PRKCA: variants seen among roughly 807,000 people sequenced by gnomAD.
The protein encoded by PRKCA is protein kinase C alpha, also known as protein kinase C alpha type.
Under a neutral mutation model 87.0 loss-of-function variants are expected in PRKCA, and 27 were observed. That is an observed-to-expected ratio of 0.31 (90% CI 0.23 to 0.43). The LOEUF (loss-of-function observed/expected upper bound fraction) is 0.43, where lower values mean the gene tolerates loss of function less well. Ranked by LOEUF, PRKCA falls within the 20% of genes least tolerant of loss-of-function variation. The pLI is 1.00. For missense variants in PRKCA, 518 were observed against 852.3 expected, an observed-to-expected ratio of 0.61 and a Z score of 4.88; for synonymous variants, 329 against 311.1, an observed-to-expected ratio of 1.06 and a Z score of -0.61.
chr17:66,461,905 G>C (rs1352634677), intron 2 of PRKCA, among the ~76,000 whole-genome samples: 1 of 151,926 alleles, frequency 6.6e-6, no homozygotes, highest in Admixed American at 6.5e-5. Context: ...TACCGAGGAG[G>C]AGACTGGGGT....
intron 3 of PRKCA, among the ~76,000 whole-genome samples, chr17:66,569,278 T>TA (rs933824913): frequency 1.3e-4 from 19 of 151,962 alleles, no homozygotes; most frequent in African/African-American, 2.7e-4. Context: ...GTCCTGAATT[T>TA]AAAAAAAAGG....
intron 2 of PRKCA, among the ~76,000 whole-genome samples, chr17:66,327,995 T>C (rs4424940): frequency 0.99 from 151,437 of 152,272 alleles, 75,311 homozygotes; most frequent in Middle Eastern, 1. Context: ...AGGAAAGCAC[T>C]ACGGGATTTT....
At chr17:66,629,825 T>A (rs760163440) in intron 3 of PRKCA, among the ~76,000 whole-genome samples, 5 of 152,120 alleles carry the variant, frequency 3.3e-5, no homozygotes, top group Non-Finnish European at 5.9e-5. Flanking sequence ...TGAATATGAA[T>A]GTGATAAAAT....
intron 3 of PRKCA, among the ~76,000 whole-genome samples, chr17:66,520,820 T>C (rs180723792): frequency 1.3e-5 from 2 of 152,216 alleles, no homozygotes; most frequent in African/African-American, 4.8e-5. Flanking sequence ...CCTAAACTTA[T>C]CAGGAAAAGT....
intron 8 of PRKCA, among the ~76,000 whole-genome samples, chr17:66,698,916 A>T (rs973229946): frequency 2.0e-5 from 3 of 151,546 alleles, no homozygotes; most frequent in African/African-American, 7.3e-5. Flanking sequence ...GGAGGCAGAG[A>T]TTGCAGTGAG....
chr17:66,625,039 A>G (rs1369197913), intron 3 of PRKCA, among the ~76,000 whole-genome samples: 1 of 152,178 alleles, frequency 6.6e-6, no homozygotes, highest in Non-Finnish European at 1.5e-5. Flanking sequence ...TTTCTGATGA[A>G]CAAACCCTTC....
At chr17:66,583,327 G>A (rs887797) in intron 3 of PRKCA, among the ~76,000 whole-genome samples, 51,869 of 151,908 alleles carry the variant, frequency 0.34, 9,250 homozygotes, top group African/African-American at 0.4. Flanking sequence ...CTTTTTAATA[G>A]CTGTAGACAT....
intron 3 of PRKCA, among the ~76,000 whole-genome samples, chr17:66,498,689 C>T (rs1916589513): frequency 6.6e-6 from 1 of 152,178 alleles, no homozygotes; most frequent in Non-Finnish European, 1.5e-5. Context: ...CTCTAAGGGA[C>T]ATACTGCATT....
intron 2 of PRKCA, among the ~76,000 whole-genome samples, chr17:66,440,036 T>G (rs907340111): frequency 1.3e-5 from 2 of 152,162 alleles, no homozygotes; most frequent in Non-Finnish European, 2.9e-5. Context: ...TAAATAAGGG[T>G]CTTGGGGTTT....
At chr17:66,477,805 C>A (rs748191016) in intron 2 of PRKCA, among the ~76,000 whole-genome samples, 85 of 152,184 alleles carry the variant, frequency 5.6e-4, no homozygotes, top group Non-Finnish European at 1.1e-3. Flanking sequence ...AGTTGTGTAA[C>A]CATCGGCACA....
intron 2 of PRKCA, among the ~76,000 whole-genome samples, chr17:66,362,386 G>C (rs1177357706): frequency 6.6e-6 from 1 of 152,138 alleles, no homozygotes; most frequent in African/African-American, 2.4e-5. Context: ...CACTTCCTCT[G>C]AGCAGACTCT....
At chr17:66,305,139 G>C (rs1904743545) in intron 1 of PRKCA, among the ~76,000 whole-genome samples, 1 of 151,728 alleles carries the variant, frequency 6.6e-6, no homozygotes, top group African/African-American at 2.4e-5. Context: ...GAAGTCCCAG[G>C]AAACCATCCA....
At chr17:66,562,793 C>T (rs1344062452) in intron 3 of PRKCA, among the ~76,000 whole-genome samples, 2 of 152,122 alleles carry the variant, frequency 1.3e-5, no homozygotes, top group Non-Finnish European at 2.9e-5. Flanking sequence ...GACAGGGTTT[C>T]ACCATGTTGG....
At chr17:66,622,285 T>G (rs1046372720) in intron 3 of PRKCA, among the ~76,000 whole-genome samples, 1 of 152,238 alleles carries the variant, frequency 6.6e-6, no homozygotes, top group Non-Finnish European at 1.5e-5. Flanking sequence ...ATTAATTGTT[T>G]GCAAGCAATG....
intron 5 of PRKCA, among the ~76,000 whole-genome samples, chr17:66,668,074 C>A (rs1489636709): frequency 6.6e-6 from 1 of 152,180 alleles, no homozygotes; most frequent in Non-Finnish European, 1.5e-5. Flanking sequence ...CATGAAAAAA[C>A]CAAAGTCCTG....
chr17:66,650,501 A>G (rs538713447), intron 5 of PRKCA, among the ~76,000 whole-genome samples: 2 of 152,204 alleles, frequency 1.3e-5, no homozygotes, highest in East Asian at 3.8e-4. Flanking sequence ...AATGGAAAAA[A>G]TATCGGGTGC....
At chr17:66,518,044 C>G (rs1033781214) in intron 3 of PRKCA, among the ~76,000 whole-genome samples, 14 of 152,162 alleles carry the variant, frequency 9.2e-5, no homozygotes, top group African/African-American at 3.4e-4. Flanking sequence ...ACCTTACCTC[C>G]CAGTAGCTGA....
intron 16 of PRKCA, among the ~76,000 whole-genome samples, chr17:66,801,077 C>T (rs1051009907): frequency 6.6e-6 from 1 of 152,222 alleles, no homozygotes; most frequent in African/African-American, 2.4e-5. Context: ...GTCACACTTG[C>T]TCCAAATGCT....
At position 66,302,986 on chromosome 17, in the gene PRKCA, G is replaced by A. The variant is rs1198438401; in HGVS notation, c.135G>A (p.Lys45=). Residue 45 remains lysine, a synonymous_variant, in exon 1 of 17, where the codon AAG becomes AAA. Coordinates refer to ENST00000413366, the MANE Select transcript of PRKCA (RefSeq NM_002737.3). ...KDHKFIARFF[K]QPTFCSHCTD... is the part of the protein sequence containing the mutation. ...ACAAATTCATCGCGCGCTTCTTCAA[G>A]CAGCCCACCTTCTGCAGCCACTGCA... 1.9e-6 allele frequency: 3 copies of A among 1,611,950 alleles called. No individual in the cohort carries two copies. The highest frequency in any genetic ancestry group is 1.7e-6 in the Non-Finnish European group (2 of 1,179,062).
Sources: allele counts gnomAD v4.1 joint callset (sites outside exome capture counted in the v4.1 genomes callset), GRCh38; gene constraint gnomAD v4.1.1; transcripts MANE v1.5; gene names NCBI Gene and HGNC (gene_info 2026-07-23, HGNC 2026-07-21).